EGFLAM: variants seen among roughly 807,000 people sequenced by gnomAD.
EGFLAM encodes pikachurin.
Under a neutral mutation model 113.1 loss-of-function variants are expected in EGFLAM, and 79 were observed. The ratio of observed to expected loss-of-function variants is 0.70; its 90% confidence interval spans 0.58 to 0.84. The LOEUF (loss-of-function observed/expected upper bound fraction) is 0.84, where lower values mean the gene tolerates loss of function less well. Ranked by LOEUF, EGFLAM falls within the 40% of genes least tolerant of loss-of-function variation. EGFLAM has a pLI of 0.00. For synonymous variants in EGFLAM, 504 were observed against 487.6 expected (o/e 1.03, Z -0.44); for missense variants, 1,265 against 1,291.6 (o/e 0.98, Z 0.32).
intron 5 of EGFLAM, among the ~76,000 whole-genome samples, chr5:38,360,297 C>T (rs1295712367): frequency 6.6e-6 from 1 of 152,204 alleles, no homozygotes; most frequent in East Asian, 1.9e-4. Context: ...GGCTTATACC[C>T]TGATTCATAG....
intron 20 of EGFLAM, among the ~76,000 whole-genome samples, chr5:38,462,321 CT>C (rs1200026451): frequency 6.6e-6 from 1 of 152,180 alleles, no homozygotes; most frequent in Non-Finnish European, 1.5e-5. Context: ...CTCTCCTCCC[CT>C]GGGCTTCACC....
intron 5 of EGFLAM, among the ~76,000 whole-genome samples, chr5:38,353,068 G>A (rs963344007): frequency 2.0e-5 from 3 of 152,188 alleles, no homozygotes; most frequent in African/African-American, 4.8e-5. Context: ...TTTCACGTCC[G>A]TATTGCCTTG....
intron 1 of EGFLAM, among the ~76,000 whole-genome samples, chr5:38,318,045 G>A (rs186599474): frequency 1.2e-3 from 189 of 152,290 alleles, no homozygotes; most frequent in Non-Finnish European, 5.4e-4. Context: ...GGCACTTGGG[G>A]AAGATACCAG....
intron 3 of EGFLAM, among the ~76,000 whole-genome samples, chr5:38,341,269 C>T (rs752055104): frequency 1.3e-5 from 2 of 152,202 alleles, no homozygotes; most frequent in Admixed American, 1.3e-4. Context: ...TTAAATGACT[C>T]ACAGTTCTGC....
chr5:38,443,019 C>T (rs1188896036), intron 17 of EGFLAM, among the ~76,000 whole-genome samples: 2 of 152,056 alleles, frequency 1.3e-5, no homozygotes, highest in African/African-American at 2.4e-5. Flanking sequence ...TAATCCCAGC[C>T]CTTTGGGAGG....
chr5:38,393,693 G>A lies in EGFLAM; in HGVS notation c.713-12433G>A, dbSNP rs140952990. On this transcript the variant is annotated intron_variant, in intron 6 of 21. Transcript: ENST00000322350. Reference sequence around the variant, plus strand: ...GGAGGAAGAGTTGGGGAACCAGAGCGAACGAATGCTGGCACTGGCTGGTCA... The same window carrying A: ...GGAGGAAGAGTTGGGGAACCAGAGCAAACGAATGCTGGCACTGGCTGGTCA... Among the ~76,000 whole-genome samples the A allele has an allele frequency of 7.2e-5, 11 of 152,364 alleles. No individual in the cohort carries two copies. The East Asian group carries it at 1.4e-3, about 19-fold the overall frequency.
intron 3 of EGFLAM, among the ~76,000 whole-genome samples, chr5:38,349,034 A>C (rs970944785): frequency 2.0e-5 from 3 of 152,210 alleles, no homozygotes; most frequent in Admixed American, 1.3e-4. Flanking sequence ...TCAGGGTTTG[A>C]GAACTACTGT....
intron 1 of EGFLAM, among the ~76,000 whole-genome samples, chr5:38,281,977 C>T (rs867952159): frequency 6.6e-6 from 1 of 152,310 alleles, no homozygotes; most frequent in South Asian, 2.1e-4. Flanking sequence ...TGAGAGTCAT[C>T]ATGAACCCAA....
intron 20 of EGFLAM, 54 bp from the exon 21 acceptor site, chr5:38,462,854 A>G: frequency 6.3e-7 from 1 of 1,586,484 alleles, no homozygotes; most frequent in South Asian, 1.1e-5. Flanking sequence ...GAATGATTGA[A>G]TGAACTCCAA....
At chr5:38,448,514 A>G (rs929083962) in intron 18 of EGFLAM, 135 bp downstream of exon 18, 1 of 820,018 alleles carries the variant, frequency 1.2e-6, no homozygotes, top group African/African-American at 1.7e-5. Flanking sequence ...CCTCAGGGGA[A>G]AAACACACAC....
At chr5:38,275,808 T>C (rs1403211377) in intron 1 of EGFLAM, among the ~76,000 whole-genome samples, 1 of 152,186 alleles carries the variant, frequency 6.6e-6, no homozygotes, top group African/African-American at 2.4e-5. Context: ...GGATACATTA[T>C]ATATTAGGCC....
intron 17 of EGFLAM, among the ~76,000 whole-genome samples, chr5:38,440,362 A>G (rs1439499921): frequency 6.6e-6 from 1 of 152,138 alleles, no homozygotes; most frequent in Non-Finnish European, 1.5e-5. Flanking sequence ...CTATCCCATA[A>G]TTTCCTTTCC....
At position 38,435,214 on chromosome 5, in the gene EGFLAM, C is replaced by T. The variant is rs140351444; in HGVS notation, c.2244C>T (p.Asn748=). The change falls in exon 16 of 22, where the codon AAC becomes AAT. Residue 748 remains asparagine (N), a synonymous_variant. Transcript: ENST00000322350. ...GVPNYDDVKK[N]SGVLKPFSGS... ...CCAATTATGATGATGTGAAGAAGAACTCGGGTGTCCTGAAGCCTTTCAGCG... is the reference window on the plus strand; with the variant it reads ...CCAATTATGATGATGTGAAGAAGAATTCGGGTGTCCTGAAGCCTTTCAGCG... 136 of 1,614,020 alleles carry T rather than the reference C, an allele frequency of 8.4e-5. No homozygotes were observed. Among genetic ancestry groups the T allele is most frequent in the Non-Finnish European group, 8.6e-5 (102 of 1,180,034 alleles).
Position 38,431,192 on chromosome 5 carries a change from C to T in EGFLAM, c.2070C>T (p.Leu690=). The T allele has an allele frequency of 1.2e-6, 2 of 1,614,160 alleles. No individual in the cohort carries two copies. Among genetic ancestry groups the T allele is most frequent in the South Asian group, 1.1e-5 (1 of 91,074 alleles). ...GTGVLRSEDP[L]TLGNWHELRV... ...CCTTCCACAGGAGTGAAGATCCCCT[C>T]ACCCTGGGCAACTGGCACGAGCTTC... Residue 690 remains leucine, a synonymous_variant, in exon 15 of 22, where the codon CTC becomes CTT. Coordinates refer to ENST00000322350, the MANE Select transcript of EGFLAM (RefSeq NM_152403.4).
rs541371913 is a variant in EGFLAM, at chr5:38,425,446, C to T, written c.1810+354C>T. On this transcript the variant is annotated intron_variant, in intron 13 of 21. Coordinates refer to ENST00000322350, the MANE Select transcript of EGFLAM (RefSeq NM_152403.4). The stretch of plus-strand genomic sequence containing the variant: ...CCTCCCAAAGTGCTGGGATTACAGG[C>T]GTGAGCCACCACGCCAGGCCTCATC... Among the ~76,000 whole-genome samples the T allele has an allele frequency of 4.6e-5, 7 of 152,276 alleles. No individual in the cohort carries two copies. The South Asian group carries it at 1.2e-3, about 27-fold the overall frequency.
At chr5:38,332,901 T>C (rs1260744193) in intron 1 of EGFLAM, among the ~76,000 whole-genome samples, 1 of 152,208 alleles carries the variant, frequency 6.6e-6, no homozygotes, top group East Asian at 1.9e-4. Flanking sequence ...CATGTCACAG[T>C]GCTACAGAGA....
chr5:38,385,290 C>CA (rs909596557), intron 6 of EGFLAM, among the ~76,000 whole-genome samples: 6 of 116,146 alleles, frequency 5.2e-5, no homozygotes, highest in African/African-American at 1.9e-4. Context: ...CCCCCCCCCC[C>CA]GCCCCCGCCA....
chr5:38,273,971 T>C (rs1056871527), intron 1 of EGFLAM, among the ~76,000 whole-genome samples: 25 of 152,158 alleles, frequency 1.6e-4, no homozygotes, highest in African/African-American at 5.8e-4. Context: ...GTAGAAACAG[T>C]TAAATGAAAT....
Position 38,373,177 on chromosome 5 carries a change from A to G in EGFLAM, c.712+2715A>G, listed in dbSNP as rs567029208. ...TACAAAACCCATTTAATCCTCACAGAAACACTGTGCTGGAGGAATAGTGTC... is the reference window on the plus strand; with the variant it reads ...TACAAAACCCATTTAATCCTCACAGGAACACTGTGCTGGAGGAATAGTGTC... On this transcript the variant is annotated intron_variant, in intron 6 of 21. Coordinates refer to ENST00000322350, the MANE Select transcript of EGFLAM (RefSeq NM_152403.4). 2.0e-5 allele frequency among the ~76,000 whole-genome samples: 3 copies of G among 152,308 alleles called. No homozygotes were observed. In the South Asian group the frequency reaches 6.2e-4, roughly 32 times the overall value.
Sources: allele counts gnomAD v4.1 joint callset (sites outside exome capture counted in the v4.1 genomes callset), GRCh38; gene constraint gnomAD v4.1.1; transcripts MANE v1.5; gene names NCBI Gene and HGNC (gene_info 2026-07-23, HGNC 2026-07-21).